Variants in CENPP observed in about 807,000 individuals in gnomAD.
CENPP encodes the protein centromere protein P.
CENPP carries 24 observed loss-of-function variants against 35.6 expected under a neutral mutation model. That is an observed-to-expected ratio of 0.67 (90% confidence interval 0.49 to 0.95). The LOEUF (loss-of-function observed/expected upper bound fraction) is 0.95. Ranked by LOEUF, CENPP falls within the 40% of genes least tolerant of loss-of-function variation. The probability of loss-of-function intolerance (pLI) is 0.00; values close to 1 mark genes in which losing one functional copy is unlikely to be tolerated. For missense variants in CENPP, 332 were observed against 345.3 expected (o/e 0.96, Z 0.31); for synonymous variants, 120 against 125.5 (o/e 0.96, Z 0.29).
intron 5 of CENPP, among the ~76,000 whole-genome samples, chr9:92,381,290 T>C (rs982502120): frequency 2.0e-5 from 3 of 151,384 alleles, no homozygotes; most frequent in Non-Finnish European, 3.0e-5. Flanking sequence ...CTTTTCTTTT[T>C]TTTTTTTTTT....
At chr9:92,584,980 G>A (rs1029401764) in intron 5 of CENPP, among the ~76,000 whole-genome samples, 15 of 152,296 alleles carry the variant, frequency 9.8e-5, no homozygotes, top group African/African-American at 3.6e-4. Flanking sequence ...AGTTGTTTCA[G>A]TGCTTCAGTA....
intron 5 of CENPP, among the ~76,000 whole-genome samples, chr9:92,573,705 C>G (rs1850208100): frequency 6.6e-6 from 1 of 151,990 alleles, no homozygotes; most frequent in East Asian, 1.9e-4. Flanking sequence ...GAGGTGGAGT[C>G]TACAGAGGCA....
chr9:92,406,481 A>G (rs895207333), intron 5 of CENPP, among the ~76,000 whole-genome samples: 1 of 152,174 alleles, frequency 6.6e-6, no homozygotes, highest in African/African-American at 2.4e-5. Flanking sequence ...CTGTTCATCT[A>G]TTGTAGTGGT....
At chr9:92,415,562 T>C (rs1843567685) in intron 5 of CENPP, 3 of 626,440 alleles carry the variant, frequency 4.8e-6, no homozygotes, top group African/African-American at 1.9e-5. Context: ...TTTTATATTG[T>C]ATGGGATATA....
chr9:92,475,281 G>T (rs1845675555), intron 5 of CENPP, among the ~76,000 whole-genome samples: 1 of 151,864 alleles, frequency 6.6e-6, no homozygotes, highest in Non-Finnish European at 1.5e-5. Context: ...AAATATTTTG[G>T]AACCCACAAA....
chr9:92,437,880 C>T (rs1404902228), intron 5 of CENPP, among the ~76,000 whole-genome samples: 1 of 150,912 alleles, frequency 6.6e-6, no homozygotes, highest in Non-Finnish European at 1.5e-5. Context: ...CCACCTCAGC[C>T]TCCAGTGATC....
At chr9:92,462,038 C>T (rs1845135219) in intron 5 of CENPP, among the ~76,000 whole-genome samples, 6 of 151,890 alleles carry the variant, frequency 4.0e-5, no homozygotes, top group Admixed American at 3.3e-4. Context: ...AGTGTAGTAG[C>T]GCAGTCTTGG....
chr9:92,345,159 G>A (rs916761590), intron 3 of CENPP, among the ~76,000 whole-genome samples: 2 of 151,888 alleles, frequency 1.3e-5, no homozygotes, highest in South Asian at 2.1e-4. Flanking sequence ...AGACTGAGGC[G>A]GGAGAATGGC....
chr9:92,364,318 C>T (rs1841834431), intron 4 of CENPP, among the ~76,000 whole-genome samples: 1 of 152,156 alleles, frequency 6.6e-6, no homozygotes, highest in Non-Finnish European at 1.5e-5. Context: ...CAGATGTGAG[C>T]CACTGTGCCT....
intron 4 of CENPP, among the ~76,000 whole-genome samples, chr9:92,356,198 GAA>G (rs939767654): frequency 6.6e-6 from 1 of 152,212 alleles, no homozygotes; most frequent in African/African-American, 2.4e-5. Context: ...GGAGCAAAAT[GAA>G]GAGTAGAATT....
intron 4 of CENPP, among the ~76,000 whole-genome samples, chr9:92,349,979 G>C (rs555883592): frequency 6.6e-6 from 1 of 152,116 alleles, no homozygotes; most frequent in Non-Finnish European, 1.5e-5. Flanking sequence ...ATAATAAACT[G>C]CCAAACCGTT....
intron 5 of CENPP, among the ~76,000 whole-genome samples, chr9:92,519,104 C>T (rs1437306074): frequency 1.3e-5 from 2 of 152,132 alleles, no homozygotes; most frequent in African/African-American, 4.8e-5. Flanking sequence ...CCCAAATGAG[C>T]CTCTCACATT....
chr9:92,500,904 T>C, intron 5 of CENPP: 1 of 1,614,148 alleles, frequency 6.2e-7, no homozygotes, highest in Non-Finnish European at 8.5e-7. Context: ...CAGGTACAAG[T>C]ATTCCAGGCC....
intron 4 of CENPP, among the ~76,000 whole-genome samples, chr9:92,351,411 C>T (rs1034079433): frequency 2.0e-5 from 3 of 147,526 alleles, no homozygotes; most frequent in South Asian, 2.3e-4. Context: ...ACCTGGGAGG[C>T]GGAGGTTGTG....
rs1245539893 is a variant in CENPP at position 92,417,717 on chromosome 9, C to T, written c.564+37858C>T. ...CCAGAAAGAATGGGCAGTGCTCAAA[C>T]CAAAATTTTTTTCTTTTTTTGTGAC... is the stretch of plus-strand genomic sequence containing the variant. On this transcript the variant is annotated intron_variant, in intron 5 of 7. Transcript: ENST00000375587. 4 of 534,010 alleles carry T rather than the reference C, an allele frequency of 7.5e-6. No homozygotes were observed. The Admixed American group carries it at 1.1e-4, about 15-fold the overall frequency. The allele number at this position is 534,010 out of a possible 1,614,324, so 33.1% of individuals were successfully genotyped here. A position where few individuals can be genotyped will look rare whatever the true frequency, so the allele number is the denominator to read the frequency against.
intron 5 of CENPP, among the ~76,000 whole-genome samples, chr9:92,523,584 T>C (rs1335977960): frequency 6.6e-6 from 1 of 152,180 alleles, no homozygotes; most frequent in Non-Finnish European, 1.5e-5. Context: ...ATCACTTAGA[T>C]CTAAGAAGCA....
chr9:92,415,544 A>G (rs1173690059), intron 5 of CENPP: 6 of 852,422 alleles, frequency 7.0e-6, no homozygotes, highest in Non-Finnish European at 1.0e-5. Context: ...CCATAATTCT[A>G]TGTTAGATTT....
chr9:92,571,733 C>CT (rs1850145190), intron 5 of CENPP, among the ~76,000 whole-genome samples: 1 of 152,128 alleles, frequency 6.6e-6, no homozygotes, highest in South Asian at 2.1e-4. Context: ...TTGTAGGTCT[C>CT]TAAGGGCTTG....
At chr9:92,513,284 G>T (rs550511565) in intron 5 of CENPP, among the ~76,000 whole-genome samples, 1 of 152,248 alleles carries the variant, frequency 6.6e-6, no homozygotes, top group African/African-American at 2.4e-5. Flanking sequence ...ATGTCAAAAA[G>T]GAAGGGAGAA....
Sources: allele counts gnomAD v4.1 joint callset (sites outside exome capture counted in the v4.1 genomes callset), GRCh38; gene constraint gnomAD v4.1.1; transcripts MANE v1.5; gene names NCBI Gene and HGNC (gene_info 2026-07-23, HGNC 2026-07-21).